CNTN1: variants seen among roughly 807,000 people sequenced by gnomAD.
The protein encoded by CNTN1 is contactin-1.
In CNTN1, 38 loss-of-function variants were observed where a neutral mutation model predicts 126.4. The ratio of observed to expected loss-of-function variants is 0.30; its 90% CI spans 0.23 to 0.39. The LOEUF (loss-of-function observed/expected upper bound fraction) is 0.39. Ranked by LOEUF, CNTN1 falls within the 10% of genes least tolerant of loss-of-function variation. The probability of loss-of-function intolerance (pLI) is 1.00; values close to 1 mark genes in which losing one functional copy is unlikely to be tolerated. For missense variants in CNTN1, 1,009 were observed against 1,248.4 expected (o/e 0.81, Z 2.89); for synonymous variants, 413 against 422.6 (o/e 0.98, Z 0.28).
At chr12:40,948,722 T>A (rs899442765) in intron 14 of CNTN1, among the ~76,000 whole-genome samples, 2 of 152,222 alleles carry the variant, frequency 1.3e-5, no homozygotes, top group African/African-American at 4.8e-5. Flanking sequence ...CCATAAGTAT[T>A]TGATGCTCTA....
intron 23 of CNTN1, among the ~76,000 whole-genome samples, chr12:41,066,785 C>T (rs1032064519): frequency 2.0e-5 from 3 of 152,158 alleles, no homozygotes; most frequent in Non-Finnish European, 4.4e-5. Flanking sequence ...TTTTCAGCAT[C>T]ACTCTCCATA....
intron 14 of CNTN1, among the ~76,000 whole-genome samples, chr12:40,951,715 TAAAAAAA>T (rs71078286): frequency 1.3e-4 from 14 of 110,024 alleles, no homozygotes; most frequent in East Asian, 1.1e-3. Context: ...TCTCAAAATT[TAAAAAAA>T]AAAAAAAAAA....
intron 1 of CNTN1, among the ~76,000 whole-genome samples, chr12:40,746,633 G>A (rs551047402): frequency 3.9e-5 from 6 of 152,148 alleles, no homozygotes; most frequent in East Asian, 1.9e-4. Context: ...CTTGCATCCC[G>A]TTTCCCTTGA....
chr12:41,062,209 G>T (rs1343115045), intron 23 of CNTN1, among the ~76,000 whole-genome samples: 1 of 152,020 alleles, frequency 6.6e-6, no homozygotes. Flanking sequence ...ATCTAAAATT[G>T]AAAATTACAT....
chr12:40,996,663 T>G (rs532528901), intron 17 of CNTN1, among the ~76,000 whole-genome samples: 87 of 152,304 alleles, frequency 5.7e-4, no homozygotes, highest in Non-Finnish European at 8.7e-4. Flanking sequence ...TTTCCAATTT[T>G]TATAAGCATA....
At chr12:40,850,091 A>G (rs749105391) in intron 1 of CNTN1, among the ~76,000 whole-genome samples, 2 of 152,088 alleles carry the variant, frequency 1.3e-5, no homozygotes, top group Non-Finnish European at 2.9e-5. Flanking sequence ...TTAGCATTAT[A>G]ATCTATGCTT....
At chr12:40,811,294 C>T (rs966500725) in intron 1 of CNTN1, among the ~76,000 whole-genome samples, 1 of 152,154 alleles carries the variant, frequency 6.6e-6, no homozygotes, top group East Asian at 1.9e-4. Context: ...ATACAGGCAA[C>T]ACAATATGCC....
rs995381953 is a variant in CNTN1, at chr12:41,070,929, T to C, written c.*894T>C. 2 of 152,056 alleles carry C rather than the reference T, an allele frequency of 1.3e-5. No homozygotes were observed. The highest frequency in any genetic ancestry group is 2.9e-5 in the Non-Finnish European group (2 of 68,008). 9.4% of individuals were successfully genotyped at this position (152,056 alleles called of 1,614,324 possible). ...TTGAGATGTGACAGTCTTTACATGG[T>C]TAGGAATAAGTGACAGTTAAGTGAA... On this transcript the variant is annotated 3_prime_UTR_variant, in exon 24 of 24. Coordinates refer to ENST00000551295, the MANE Select transcript of CNTN1 (RefSeq NM_001843.4).
intron 1 of CNTN1, among the ~76,000 whole-genome samples, chr12:40,732,402 A>G (rs1282307678): frequency 6.6e-6 from 1 of 152,092 alleles, no homozygotes; most frequent in Non-Finnish European, 1.5e-5. Flanking sequence ...AATTTATCAT[A>G]ATGATTTATG....
chr12:40,958,900 T>C (rs568006105), intron 14 of CNTN1, among the ~76,000 whole-genome samples: 188 of 152,210 alleles, frequency 1.2e-3, no homozygotes, highest in African/African-American at 4.0e-3. Context: ...GTTAAAGATA[T>C]GAAAGCTAAA....
At chr12:41,068,863 T>A (rs912099795) in intron 23 of CNTN1, among the ~76,000 whole-genome samples, 5 of 152,188 alleles carry the variant, frequency 3.3e-5, no homozygotes, top group African/African-American at 4.8e-5. Context: ...TGGTGGCTTA[T>A]GCCTGTAATC....
At chr12:41,009,704 T>C (rs1326211483) in intron 17 of CNTN1, among the ~76,000 whole-genome samples, 2 of 152,188 alleles carry the variant, frequency 1.3e-5, no homozygotes, top group East Asian at 3.9e-4. Context: ...ATCAGGTTAT[T>C]AGTAATGGCT....
At chr12:40,821,505 T>C (rs1464987713) in intron 1 of CNTN1, among the ~76,000 whole-genome samples, 1 of 152,192 alleles carries the variant, frequency 6.6e-6, no homozygotes, top group Non-Finnish European at 1.5e-5. Context: ...TAACCATTAG[T>C]AGTAGTATTA....
chr12:40,877,215 T>C (rs751690421), intron 1 of CNTN1, among the ~76,000 whole-genome samples: 1 of 152,320 alleles, frequency 6.6e-6, no homozygotes, highest in Non-Finnish European at 1.5e-5. Context: ...CAGGCATATT[T>C]AGACAGTTTT....
chr12:40,801,879 A>C (rs1180032426), intron 1 of CNTN1, among the ~76,000 whole-genome samples: 2 of 151,748 alleles, frequency 1.3e-5, no homozygotes, highest in African/African-American at 4.8e-5. Flanking sequence ...ATACGGGGAA[A>C]TCATTTATAA....
intron 1 of CNTN1, among the ~76,000 whole-genome samples, chr12:40,862,870 T>C (rs1191935531): frequency 6.6e-6 from 1 of 152,212 alleles, no homozygotes; most frequent in African/African-American, 2.4e-5. Flanking sequence ...CTGGTTTTTC[T>C]CCCCATTTCA....
At chr12:40,697,339 T>G (rs1413530717) in intron 1 of CNTN1, among the ~76,000 whole-genome samples, 3 of 152,232 alleles carry the variant, frequency 2.0e-5, no homozygotes, top group African/African-American at 4.8e-5. Flanking sequence ...TTCTGAGTTA[T>G]TGTTCCTATG....
At chr12:40,905,009 A>G (rs1370951734) in intron 1 of CNTN1, among the ~76,000 whole-genome samples, 1 of 152,242 alleles carries the variant, frequency 6.6e-6, no homozygotes, top group South Asian at 2.1e-4. Context: ...TTCTTTCCAT[A>G]TTAAAAGGTG....
chr12:40,852,648 G>C (rs568651339), intron 1 of CNTN1, among the ~76,000 whole-genome samples: 315 of 151,732 alleles, frequency 2.1e-3, no homozygotes, highest in Middle Eastern at 3.4e-3. Flanking sequence ...TTCAACAGCT[G>C]ATGTCATAGA....
Sources: gnomAD v4.1 joint callset for allele counts (sites outside exome capture counted in the v4.1 genomes callset) on GRCh38, gnomAD v4.1.1 for gene constraint, MANE v1.5 for transcripts, NCBI Gene and HGNC (gene_info 2026-07-23, HGNC 2026-07-21) for gene names.